The following ZNF292 variants were observed in gnomAD, a reference collection of about 807,000 sequenced individuals.
The protein encoded by ZNF292 is 16 zinc-finger domain protein.
ZNF292 carries 26 observed loss-of-function variants against 217.9 expected under a neutral mutation model. The observed-to-expected ratio is 0.12, with a 90% CI of 0.09 to 0.17. ZNF292 has a LOEUF of 0.17. Ranked by LOEUF, ZNF292 falls within the 10% of genes least tolerant of loss-of-function variation. The pLI is 1.00. For missense variants in ZNF292, 2,904 were observed against 3,175.2 expected, an observed-to-expected ratio of 0.91 and a Z score of 2.05; for synonymous variants, 1,257 against 1,124.1, an observed-to-expected ratio of 1.12 and a Z score of -2.37.
intron 7 of ZNF292, among the ~76,000 whole-genome samples, chr6:87,253,745 C>G (rs1055702802): frequency 6.6e-6 from 1 of 152,008 alleles, no homozygotes; most frequent in African/African-American, 2.4e-5. Flanking sequence ...AATAGAGGCC[C>G]TATCAGTTCT....
chr6:87,226,115 C>T lies in ZNF292; in HGVS notation c.539-7210C>T, dbSNP rs185440861. Reference sequence around the variant, plus strand: ...ACACTGAATTTTTTAGGCACTTTCCCTCTACTTCTATATTGGGTTAATTTG... The same window carrying T: ...ACACTGAATTTTTTAGGCACTTTCCTTCTACTTCTATATTGGGTTAATTTG... On this transcript the variant is annotated intron_variant, in intron 4 of 7. Coordinates refer to ENST00000369577, the MANE Select transcript of ZNF292 (RefSeq NM_015021.3). Among the ~76,000 whole-genome samples, 7 of 152,134 alleles carry T rather than the reference C, an allele frequency of 4.6e-5. No homozygotes were observed. The East Asian group carries it at 1.4e-3, about 29-fold the overall frequency.
chr6:87,257,448 T>C lies in ZNF292; in HGVS notation c.3819T>C (p.Ser1273=), dbSNP rs1233365472. Reference sequence around the variant, plus strand: ...TACCTGCAGAAAGTAGTTCAATGTCTCTCTTCCCTTCACCAGCAGATAGTG... The same window carrying C: ...TACCTGCAGAAAGTAGTTCAATGTCCCTCTTCCCTTCACCAGCAGATAGTG... ...LPLPAESSSM[S]LFPSPADSGT... The change falls in exon 8 of 8, where the codon TCT becomes TCC. Residue 1273 remains serine, a synonymous_variant. Coordinates refer to ENST00000369577, the MANE Select transcript of ZNF292 (RefSeq NM_015021.3). 3 of 1,613,512 alleles carry C rather than the reference T, an allele frequency of 1.9e-6. No individual in the cohort carries two copies.
chr6:87,217,326 C>G (rs1354497820), intron 3 of ZNF292, among the ~76,000 whole-genome samples: 1 of 152,024 alleles, frequency 6.6e-6, no homozygotes, highest in African/African-American at 2.4e-5. Flanking sequence ...TATTTAACGT[C>G]ATAGGATTCT....
chr6:87,216,389 T>C lies in ZNF292; in HGVS notation c.402+12T>C. Reference sequence around the variant, plus strand: ...AGACACTGGTGCAGGTGAGAATCTTTATCTTTAGATTTAATACAGGTATAT... The same window carrying C: ...AGACACTGGTGCAGGTGAGAATCTTCATCTTTAGATTTAATACAGGTATAT... On this transcript the variant is annotated intron_variant, in intron 3 of 7. Coordinates refer to ENST00000369577, the MANE Select transcript of ZNF292 (RefSeq NM_015021.3). The C allele has an allele frequency of 1.3e-6, 2 of 1,551,408 alleles. No homozygotes were observed. The highest frequency in any genetic ancestry group is 2.3e-5 in the East Asian group (1 of 42,824).
chr6:87,237,770 ATATTT>A (rs1773973757), intron 5 of ZNF292, among the ~76,000 whole-genome samples: 2 of 152,170 alleles, frequency 1.3e-5, no homozygotes, highest in African/African-American at 4.8e-5. Context: ...TTGGTTTTAA[ATATTT>A]TATTAAGAGT....
chr6:87,184,820 T>C (rs1165487917), intron 1 of ZNF292, among the ~76,000 whole-genome samples: 1 of 152,186 alleles, frequency 6.6e-6, no homozygotes, highest in Non-Finnish European at 1.5e-5. Flanking sequence ...GAGGGGCTGC[T>C]TAGTGTAAGT....
intron 1 of ZNF292, among the ~76,000 whole-genome samples, chr6:87,183,542 T>C (rs73483720): frequency 0.082 from 12,423 of 152,188 alleles, 863 homozygotes; most frequent in African/African-American, 0.19. Context: ...TCCCAAAGGA[T>C]TGAAATTCCA....
intron 4 of ZNF292, among the ~76,000 whole-genome samples, chr6:87,225,588 T>C (rs1773306353): frequency 6.6e-6 from 1 of 152,204 alleles, no homozygotes; most frequent in Non-Finnish European, 1.5e-5. Context: ...TCTTGGCTCT[T>C]ACTAGTCTCA....
intron 1 of ZNF292, among the ~76,000 whole-genome samples, chr6:87,195,532 G>T (rs1042574775): frequency 6.6e-6 from 1 of 152,146 alleles, no homozygotes; most frequent in African/African-American, 2.4e-5. Context: ...GAAATGATGA[G>T]AGCTGAAACT....
chr6:87,166,549 T>C (rs1770922907), intron 1 of ZNF292, among the ~76,000 whole-genome samples: 1 of 152,226 alleles, frequency 6.6e-6, no homozygotes. Context: ...TTCTCAACTC[T>C]ACCTGTACCT....
rs144945278 is a variant in ZNF292, at chr6:87,259,845, C to G, written c.6216C>G (p.Leu2072=). Residue 2072 remains leucine (L), a synonymous_variant, in exon 8 of 8, where the codon CTC becomes CTG. Coordinates refer to ENST00000369577, the MANE Select transcript of ZNF292 (RefSeq NM_015021.3). ...CAGAACAATGTAATACAAATGCACT[C>G]ACAAACACACAAACCAAAGGACGGA... is the stretch of plus-strand genomic sequence containing the variant. ...VTSEQCNTNA[L]TNTQTKGRKI... 1.5e-4 allele frequency: 245 copies of G among 1,612,928 alleles called. 1 individual carries two copies. In the East Asian group the frequency reaches 5.3e-3, roughly 35 times the overall value.
Position 87,260,184 on chromosome 6 carries a change from A to G in ZNF292, c.6555A>G (p.Ala2185=). Residue 2185 remains alanine (A), a synonymous_variant, in exon 8 of 8, where the codon GCA becomes GCG. Transcript: ENST00000369577. ...QVSDCSRIFQ[A]ITGLIQHYMK... ...GTGACTGTTCTCGAATTTTCCAAGC[A>G]ATTACTGGCCTAATACAACACTACA... 2 of 1,612,880 alleles carry G rather than the reference A, an allele frequency of 1.2e-6. No homozygotes were observed. The highest frequency in any genetic ancestry group is 1.7e-6 in the Non-Finnish European group (2 of 1,179,006).
intron 1 of ZNF292, among the ~76,000 whole-genome samples, chr6:87,200,160 C>G (rs1160726843): frequency 6.6e-6 from 1 of 152,162 alleles, no homozygotes; most frequent in African/African-American, 2.4e-5. Flanking sequence ...TTTGGACCTC[C>G]CACATGATAT....
At chr6:87,246,971 A>G (rs1326847906) in intron 7 of ZNF292, among the ~76,000 whole-genome samples, 2 of 152,192 alleles carry the variant, frequency 1.3e-5, no homozygotes, top group South Asian at 2.1e-4. Context: ...CCTGGCCAAC[A>G]TGGCAAAACC....
intron 7 of ZNF292, among the ~76,000 whole-genome samples, chr6:87,251,127 T>C (rs764215641): frequency 2.0e-5 from 3 of 151,948 alleles, no homozygotes; most frequent in Non-Finnish European, 2.9e-5. Flanking sequence ...AATGAGAGAA[T>C]GGAATATTTG....
chr6:87,159,707 G>C (rs892071440), intron 1 of ZNF292, among the ~76,000 whole-genome samples: 2 of 151,752 alleles, frequency 1.3e-5, no homozygotes, highest in African/African-American at 4.8e-5. Flanking sequence ...TCTCCTTGTT[G>C]GTCAGGCTGG....
intron 1 of ZNF292, among the ~76,000 whole-genome samples, chr6:87,158,598 C>T (rs1770622331): frequency 6.6e-6 from 1 of 152,080 alleles, no homozygotes; most frequent in South Asian, 2.1e-4. Context: ...CATTTGAACC[C>T]GGGAGGCAGA....
At chr6:87,224,431 A>G (rs748292274) in intron 4 of ZNF292, among the ~76,000 whole-genome samples, 72 of 151,088 alleles carry the variant, frequency 4.8e-4, no homozygotes, top group Middle Eastern at 3.4e-3. Flanking sequence ...AGTAGTATAC[A>G]TAGTAGTTTC....
chr6:87,245,354 G>A (rs1774517809), intron 6 of ZNF292, 149 bp from the exon 7 acceptor site: 2 of 457,384 alleles, frequency 4.4e-6, no homozygotes, highest in East Asian at 3.6e-5. Context: ...TTAGAAAATT[G>A]GGATCTGTTT....
Sources: allele counts gnomAD v4.1 joint callset (sites outside exome capture counted in the v4.1 genomes callset), GRCh38; gene constraint gnomAD v4.1.1; transcripts MANE v1.5; gene names NCBI Gene and HGNC (gene_info 2026-07-23, HGNC 2026-07-21).